Variants in AFF3 observed in about 807,000 individuals in gnomAD.
AFF3 encodes the protein AF4/FMR2 family member 3.
In AFF3, 32 loss-of-function variants were observed where a neutral mutation model predicts 129.7. The ratio of observed to expected loss-of-function variants is 0.25; its 90% CI spans 0.19 to 0.33. AFF3 has a LOEUF of 0.33. Among genes scored for constraint, AFF3 ranks in the 10% least tolerant of loss-of-function variants. The probability of loss-of-function intolerance (pLI) is 1.00; values close to 1 mark genes in which losing one functional copy is unlikely to be tolerated. For missense variants in AFF3, 1,373 were observed against 1,592.0 expected (o/e 0.86, Z 2.34); for synonymous variants, 644 against 635.4 (o/e 1.01, Z -0.20).
rs117924337 is a variant in AFF3 at position 99,758,743 on chromosome 2, C to G, written c.922-6442G>C. Among the ~76,000 whole-genome samples the G allele has an allele frequency of 5.3e-5, 8 of 152,210 alleles. No individual in the cohort carries two copies. The East Asian group carries it at 1.5e-3, about 29-fold the overall frequency. ...CACTTATGCCCAATCTTTAACGCAA[C>G]AATTGCCATCTCCATAGTACAGCAA... On this transcript the variant is annotated intron_variant, in intron 8 of 24. Transcript: ENST00000672756.
intron 7 of AFF3, among the ~76,000 whole-genome samples, chr2:99,857,690 C>T (rs999089665): frequency 2.6e-5 from 4 of 152,188 alleles, no homozygotes; most frequent in African/African-American, 9.7e-5. Flanking sequence ...ACTCATCCTT[C>T]AACCCTACTC....
intron 8 of AFF3, among the ~76,000 whole-genome samples, chr2:99,780,481 A>G (rs924859380): frequency 1.3e-5 from 2 of 152,034 alleles, no homozygotes; most frequent in African/African-American, 2.4e-5. Context: ...AGATATACTT[A>G]TGTTCTGGAT....
At position 100,106,148 on chromosome 2, in the gene AFF3, C is replaced by T. The variant is rs1573444417; in HGVS notation, c.-144-565G>A. The T allele has an allele frequency of 4.9e-6, 6 of 1,227,592 alleles. No homozygotes were observed. In the East Asian group the frequency reaches 2.9e-4, roughly 58 times the overall value. 76.0% of individuals were successfully genotyped at this position (1,227,592 alleles called of 1,614,324 possible). A position where few individuals can be genotyped will look rare whatever the true frequency, so the allele number is the denominator to read the frequency against. On this transcript the variant is annotated intron_variant, in intron 2 of 24. Transcript: ENST00000672756. ...GGATTTGAGAATGCTCAGCCTGGCT[C>T]CCTTCTTCCCCCAGCTCTGAATCAA...
intron 4 of AFF3, among the ~76,000 whole-genome samples, chr2:100,068,405 A>G (rs1687896575): frequency 1.3e-5 from 2 of 152,192 alleles, no homozygotes; most frequent in African/African-American, 2.4e-5. Flanking sequence ...GGTTGATATC[A>G]CAGCTGTTTG....
intron 7 of AFF3, among the ~76,000 whole-genome samples, chr2:99,893,376 C>CA (rs1693712888): frequency 6.6e-6 from 1 of 152,246 alleles, no homozygotes; most frequent in Non-Finnish European, 1.5e-5. Flanking sequence ...ACTGTGGACT[C>CA]AATGCACGTT....
intron 13 of AFF3, among the ~76,000 whole-genome samples, chr2:99,635,820 C>T (rs1683600089): frequency 6.6e-6 from 1 of 152,162 alleles, no homozygotes; most frequent in African/African-American, 2.4e-5. Flanking sequence ...GTCCCCTGGG[C>T]TGTCTGGGGA....
chr2:100,038,135 A>G (rs1361802745), intron 4 of AFF3, among the ~76,000 whole-genome samples: 2 of 152,046 alleles, frequency 1.3e-5, no homozygotes, highest in African/African-American at 2.4e-5. Flanking sequence ...CACTGCAGCC[A>G]TCAGTCCCCT....
At chr2:100,112,754 A>G (rs182104043) in intron 2 of AFF3, among the ~76,000 whole-genome samples, 1 of 152,262 alleles carries the variant, frequency 6.6e-6, no homozygotes, top group African/African-American at 2.4e-5. Context: ...CAAGGTCGTG[A>G]GAGGAGGAAA....
At chr2:100,087,324 C>T (rs1689524445) in intron 4 of AFF3, among the ~76,000 whole-genome samples, 1 of 152,102 alleles carries the variant, frequency 6.6e-6, no homozygotes, top group Non-Finnish European at 1.5e-5. Context: ...ATCTTATGAG[C>T]ATATTCACTG....
chr2:100,016,899 GTGA>G (rs897482528), intron 4 of AFF3, among the ~76,000 whole-genome samples: 1 of 151,436 alleles, frequency 6.6e-6, no homozygotes, highest in East Asian at 1.9e-4. Flanking sequence ...GGTGGTGGTG[GTGA>G]TGATATGGTG....
In AFF3 at chr2:99,867,576, T is replaced by TA. The variant is rs3072544; in HGVS notation, c.874-30053dup. On this transcript the variant is annotated intron_variant, in intron 7 of 24. Transcript: ENST00000672756. Reference sequence around the variant, plus strand: ...CTCCCCAAGGCCTATATTTCTATATTAAAAAAAAAAAAAAAAACATAGCTG... The same window carrying TA: ...CTCCCCAAGGCCTATATTTCTATATTAAAAAAAAAAAAAAAAAACATAGCTG... 9.3e-3 allele frequency among the ~76,000 whole-genome samples: 1,314 copies of TA among 141,338 alleles called. 52 individuals are homozygous for TA. The East Asian group carries it at 0.13, about 14-fold the overall frequency. The allele number at this position is 141,338 out of a possible 152,430, so 92.7% of individuals were successfully genotyped here. A position where few individuals can be genotyped will look rare whatever the true frequency, so the allele number is the denominator to read the frequency against.
intron 4 of AFF3, chr2:100,011,561 T>C: frequency 1.3e-6 from 1 of 781,056 alleles, no homozygotes; most frequent in Non-Finnish European, 2.4e-6. Context: ...TGGTTTAAGA[T>C]GTCTTCACCC....
intron 7 of AFF3, among the ~76,000 whole-genome samples, chr2:99,991,750 A>T (rs112914146): frequency 0.048 from 7,254 of 152,148 alleles, 221 homozygotes; most frequent in Middle Eastern, 0.095. Context: ...TAAAAATACA[A>T]AAATTAGCCA....
chr2:99,683,584 G>A (rs993418200), intron 11 of AFF3, among the ~76,000 whole-genome samples: 1 of 152,058 alleles, frequency 6.6e-6, no homozygotes, highest in South Asian at 2.1e-4. Context: ...CAAGTAGCTG[G>A]AACTATAGGT....
At chr2:99,719,499 CCTTT>C (rs1344132752) in intron 11 of AFF3, among the ~76,000 whole-genome samples, 1 of 152,032 alleles carries the variant, frequency 6.6e-6, no homozygotes, top group Non-Finnish European at 1.5e-5. Flanking sequence ...TTTCCTTCTC[CCTTT>C]ATTTTCTGAA....
At chr2:99,563,162 A>G (rs553350985) in intron 20 of AFF3, among the ~76,000 whole-genome samples, 6 of 151,670 alleles carry the variant, frequency 4.0e-5, no homozygotes, top group African/African-American at 1.2e-4. Flanking sequence ...AGGGTGGGCA[A>G]TGTGCGGATG....
chr2:99,742,070 A>AAAAGGCC (rs1167172931), intron 10 of AFF3, among the ~76,000 whole-genome samples: 1 of 152,158 alleles, frequency 6.6e-6, no homozygotes, highest in African/African-American at 2.4e-5. Flanking sequence ...TAAAAATGAA[A>AAAAGGCC]AAAGGCCAGG....
chr2:99,714,017 T>C (rs753860998), intron 11 of AFF3, among the ~76,000 whole-genome samples: 2 of 152,146 alleles, frequency 1.3e-5, no homozygotes, highest in Non-Finnish European at 2.9e-5. Flanking sequence ...CCTAATTTTA[T>C]AAACTCTCTT....
intron 11 of AFF3, among the ~76,000 whole-genome samples, chr2:99,692,721 G>T (rs947623402): frequency 6.6e-6 from 1 of 151,210 alleles, no homozygotes; most frequent in Non-Finnish European, 1.5e-5. Flanking sequence ...AGGATATGTT[G>T]TCTTGGACTG....
Sources: allele counts gnomAD v4.1 joint callset (sites outside exome capture counted in the v4.1 genomes callset), GRCh38; gene constraint gnomAD v4.1.1; transcripts MANE v1.5; gene names NCBI Gene and HGNC (gene_info 2026-07-23, HGNC 2026-07-21).